Variants in SIK2 observed in about 807,000 individuals in gnomAD.
SIK2 encodes serine/threonine-protein kinase SIK2.
A neutral mutation model predicts 103.2 loss-of-function variants in SIK2; 29 were observed. The ratio of observed to expected loss-of-function variants is 0.28; its 90% confidence interval spans 0.21 to 0.38. The LOEUF is 0.38. SIK2 is among the 10% of genes least tolerant of loss of function. The pLI is 1.00. For missense variants in SIK2, 879 were observed against 1,171.0 expected (o/e 0.75, Z 3.64); for synonymous variants, 412 against 446.1 (o/e 0.92, Z 0.96).
chr11:111,707,572 T>A (rs1402326163), intron 8 of SIK2, among the ~76,000 whole-genome samples: 1 of 152,216 alleles, frequency 6.6e-6, no homozygotes, highest in Non-Finnish European at 1.5e-5. Context: ...GCCTTCTGGA[T>A]GCTGAGCAAC....
intron 2 of SIK2, 115 bp from the exon 3 acceptor site, chr11:111,620,224 A>C (rs1941864978): frequency 1.4e-6 from 1 of 722,136 alleles, no homozygotes; most frequent in Non-Finnish European, 2.4e-6. Context: ...CATCTTCGGA[A>C]TTGTTCATAA....
chr11:111,678,507 C>T (rs1054064057), intron 3 of SIK2, among the ~76,000 whole-genome samples: 5 of 152,062 alleles, frequency 3.3e-5, no homozygotes, highest in South Asian at 2.1e-4. Context: ...AGTTGAGGGC[C>T]GTGAGTTCTG....
At position 111,643,794 on chromosome 11, in the gene SIK2, C is replaced by CA. The variant is rs746462971; in HGVS notation, c.316+23406dup. 3.7e-3 allele frequency among the ~76,000 whole-genome samples: 413 copies of CA among 111,452 alleles called. 3 individuals carry two copies. Among genetic ancestry groups the CA allele is most frequent in the Middle Eastern group, 0.014 (3 of 214 alleles). The allele number at this position is 111,452 out of a possible 152,430, so 73.1% of individuals were successfully genotyped here. On this transcript the variant is annotated intron_variant, in intron 3 of 14. Coordinates refer to ENST00000304987, the MANE Select transcript of SIK2 (RefSeq NM_015191.3). ...CACCATTGCACTCAAGCCTGGGTGA[C>CA]AAAAAAAAAAAAAAGAACTGTTCAT...
chr11:111,681,302 G>A (rs970763458), intron 3 of SIK2, among the ~76,000 whole-genome samples: 1 of 152,176 alleles, frequency 6.6e-6, no homozygotes, highest in Non-Finnish European at 1.5e-5. Flanking sequence ...TAGGGTCTGT[G>A]AGCAGAAGGC....
At chr11:111,681,884 C>A (rs1202831481) in intron 3 of SIK2, among the ~76,000 whole-genome samples, 1 of 152,164 alleles carries the variant, frequency 6.6e-6, no homozygotes, top group East Asian at 1.9e-4. Context: ...GGCCCCTGTT[C>A]CAGCATCTTA....
At chr11:111,661,414 C>T (rs1942465537) in intron 3 of SIK2, among the ~76,000 whole-genome samples, 1 of 152,164 alleles carries the variant, frequency 6.6e-6, no homozygotes, top group Admixed American at 6.5e-5. Flanking sequence ...ACCAAGAGCC[C>T]TGATGCCTAC....
chr11:111,645,624 C>CAGCCT (rs1383854607), intron 3 of SIK2, among the ~76,000 whole-genome samples: 1 of 151,936 alleles, frequency 6.6e-6, no homozygotes, highest in Non-Finnish European at 1.5e-5. Context: ...AGTTCGAGAC[C>CAGCCT]AGCCTGACCA....
chr11:111,608,904 A>C (rs1226412656), intron 1 of SIK2, among the ~76,000 whole-genome samples: 1 of 152,140 alleles, frequency 6.6e-6, no homozygotes, highest in Admixed American at 6.5e-5. Flanking sequence ...GTACCCGTTA[A>C]TTTTCACCAG....
chr11:111,608,554 T>G (rs1334103769), intron 1 of SIK2, among the ~76,000 whole-genome samples: 1 of 152,244 alleles, frequency 6.6e-6, no homozygotes, highest in Non-Finnish European at 1.5e-5. Context: ...GTAATAAAAT[T>G]GATGTCATGT....
In SIK2 at chr11:111,726,594, A is replaced by C. The variant is rs1353502961; in HGVS notation, c.*2465A>C. 3 of 227,332 alleles carry C rather than the reference A, an allele frequency of 1.3e-5. No individual in the cohort carries two copies. The highest frequency in any genetic ancestry group is 2.6e-5 in the Non-Finnish European group (3 of 114,658). The allele number at this position is 227,332 out of a possible 1,614,324, so 14.1% of individuals were successfully genotyped here. ...TTGACTGCAATGTAAGCTGCTGAGG[A>C]GACTGGTTCTGTTGGTCAGTCAGGT... is the stretch of plus-strand genomic sequence containing the variant. On this transcript the variant is annotated 3_prime_UTR_variant, in exon 15 of 15. Coordinates refer to ENST00000304987, the MANE Select transcript of SIK2 (RefSeq NM_015191.3).
At chr11:111,644,480 C>A (rs771681237) in intron 3 of SIK2, among the ~76,000 whole-genome samples, 3 of 151,970 alleles carry the variant, frequency 2.0e-5, no homozygotes, top group Non-Finnish European at 4.4e-5. Context: ...TTCTGAGTGA[C>A]TGCATCCCAC....
chr11:111,644,466 C>T (rs1375589641), intron 3 of SIK2, among the ~76,000 whole-genome samples: 2 of 151,864 alleles, frequency 1.3e-5, no homozygotes, highest in South Asian at 2.1e-4. Context: ...GCACGTATCT[C>T]GTTTTCTGAG....
intron 4 of SIK2, among the ~76,000 whole-genome samples, chr11:111,692,065 G>C (rs915383333): frequency 2.0e-5 from 3 of 152,006 alleles, no homozygotes; most frequent in Non-Finnish European, 4.4e-5. Context: ...AAGAAAGAGG[G>C]AGAGGCCAGG....
At chr11:111,712,493 T>C in intron 9 of SIK2, 118 bp downstream of exon 9, 1 of 1,085,762 alleles carries the variant, frequency 9.2e-7, no homozygotes, top group Non-Finnish European at 1.3e-6. Context: ...CACTCAGGAG[T>C]GATGCTTTTG....
At chr11:111,630,641 G>A (rs1418010031) in intron 3 of SIK2, among the ~76,000 whole-genome samples, 1 of 152,160 alleles carries the variant, frequency 6.6e-6, no homozygotes, top group Non-Finnish European at 1.5e-5. Flanking sequence ...GAAGCAGGTG[G>A]AAGAAAGGAA....
chr11:111,688,079 A>G lies in SIK2; in HGVS notation c.395A>G (p.Tyr132Cys). The change falls in exon 4 of 15, where the codon TAT becomes TGT. Residue 132 changes from tyrosine (Y) to cysteine (C), a missense_variant. Coordinates refer to ENST00000304987, the MANE Select transcript of SIK2 (RefSeq NM_015191.3). The surrounding 1 kb of genome is among the most constrained non-coding windows in gnomAD (Gnocchi z 4.2). The stretch of plus-strand genomic sequence containing the variant: ...TGGCAAATCCTGTCTGCTGTTGATT[A>G]TTGTCATGGTCGGAAGATTGTGCAC... Reference protein sequence around the residue: ...KFWQILSAVDYCHGRKIVHRD... With the variant: ...KFWQILSAVDCCHGRKIVHRD... 6.2e-7 allele frequency: 1 copy of G among 1,614,156 alleles called. No homozygotes were observed. The highest frequency in any genetic ancestry group is 8.5e-7 in the Non-Finnish European group (1 of 1,180,016).
At chr11:111,637,863 G>A (rs1038900574) in intron 3 of SIK2, among the ~76,000 whole-genome samples, 1 of 151,984 alleles carries the variant, frequency 6.6e-6, no homozygotes, top group Non-Finnish European at 1.5e-5. Flanking sequence ...ATTTCTTCGT[G>A]TAGTCTTTCT....
intron 4 of SIK2, among the ~76,000 whole-genome samples, chr11:111,694,995 A>G (rs1389360488): frequency 6.6e-6 from 1 of 152,212 alleles, no homozygotes; most frequent in Non-Finnish European, 1.5e-5. Flanking sequence ...ATGTTTGGAA[A>G]TGAACTGTGC....
chr11:111,718,172 T>C (rs961550398), intron 9 of SIK2, among the ~76,000 whole-genome samples: 1 of 152,240 alleles, frequency 6.6e-6, no homozygotes, highest in East Asian at 1.9e-4. Context: ...GCTCAATAGA[T>C]AATTAATTAA....
Sources: allele counts gnomAD v4.1 joint callset (sites outside exome capture counted in the v4.1 genomes callset), GRCh38; gene constraint gnomAD v4.1.1; non-coding constraint Gnocchi (gnomAD v3.1); transcripts MANE v1.5; gene names NCBI Gene and HGNC (gene_info 2026-07-23, HGNC 2026-07-21).